Variants in PLCB1 observed in about 807,000 individuals in gnomAD.
The protein encoded by PLCB1 is 1-phosphatidylinositol 4,5-bisphosphate phosphodiesterase beta-1.
In PLCB1, 46 loss-of-function variants were observed where a neutral mutation model predicts 161.8. The observed-to-expected ratio is 0.28, with a 90% CI of 0.22 to 0.36. PLCB1 has a LOEUF of 0.36. PLCB1 is among the 10% of genes least tolerant of loss of function. PLCB1 has a pLI of 1.00. For synonymous variants in PLCB1, 517 were observed against 503.7 expected (o/e 1.03, Z -0.35); for missense variants, 1,016 against 1,472.5 (o/e 0.69, Z 5.07).
At chr20:8,252,984 A>G (rs1981230419) in intron 2 of PLCB1, among the ~76,000 whole-genome samples, 1 of 151,908 alleles carries the variant, frequency 6.6e-6, no homozygotes, top group Non-Finnish European at 1.5e-5. Flanking sequence ...AATTCTTAAT[A>G]ATGCCCATTC....
chr20:8,693,427 A>T (rs1990522963), intron 10 of PLCB1, among the ~76,000 whole-genome samples: 1 of 152,190 alleles, frequency 6.6e-6, no homozygotes, highest in Non-Finnish European at 1.5e-5. Context: ...AAACAGATGC[A>T]TCTAGAGAGG....
chr20:8,372,478 C>A (rs983334172), intron 3 of PLCB1, among the ~76,000 whole-genome samples: 3 of 151,032 alleles, frequency 2.0e-5, no homozygotes, highest in Admixed American at 2.0e-4. Flanking sequence ...ATTTTATTTG[C>A]TGAAAGGGTT....
intron 3 of PLCB1, among the ~76,000 whole-genome samples, chr20:8,448,473 C>T (rs1020027482): frequency 2.0e-5 from 3 of 152,188 alleles, no homozygotes; most frequent in South Asian, 4.1e-4. Flanking sequence ...GTTTAGAAGG[C>T]AGCGGAAGAA....
intron 3 of PLCB1, among the ~76,000 whole-genome samples, chr20:8,512,414 G>T (rs1469373349): frequency 1.3e-5 from 2 of 152,064 alleles, no homozygotes; most frequent in Non-Finnish European, 2.9e-5. Context: ...TACTTTCTGT[G>T]TATGAGGGAG....
chr20:8,333,885 GT>G (rs1985461432), intron 2 of PLCB1, among the ~76,000 whole-genome samples: 1 of 152,164 alleles, frequency 6.6e-6, no homozygotes, highest in African/African-American at 2.4e-5. Context: ...TTCGCATTCT[GT>G]GGTGGAATAA....
At chr20:8,501,299 T>C (rs897965030) in intron 3 of PLCB1, among the ~76,000 whole-genome samples, 13 of 152,252 alleles carry the variant, frequency 8.5e-5, no homozygotes, top group African/African-American at 3.1e-4. Context: ...CGCTGTCAGA[T>C]CAGGCTAGGA....
intron 3 of PLCB1, among the ~76,000 whole-genome samples, chr20:8,600,352 C>CCCGG (rs1555775335): frequency 3.0e-5 from 3 of 101,190 alleles, no homozygotes; most frequent in Admixed American, 8.8e-5. Flanking sequence ...AGTTGGAATA[C>CCCGG]CCTGCCGTGT....
intron 25 of PLCB1, 106 bp from the exon 26 acceptor site, chr20:8,765,033 T>G (rs923149327): frequency 8.3e-6 from 7 of 842,862 alleles, no homozygotes; most frequent in Non-Finnish European, 1.3e-5. Context: ...TCTTAAACTC[T>G]AGCTGGGCAA....
At chr20:8,760,025 C>A (rs1279741089) in intron 24 of PLCB1, among the ~76,000 whole-genome samples, 1 of 150,002 alleles carries the variant, frequency 6.7e-6, no homozygotes, top group South Asian at 2.1e-4. Flanking sequence ...TCTGCTTCAG[C>A]CAACCAGGTA....
At chr20:8,662,419 T>C (rs1386463061) in intron 9 of PLCB1, among the ~76,000 whole-genome samples, 1 of 125,416 alleles carries the variant, frequency 8.0e-6, no homozygotes, top group Non-Finnish European at 1.6e-5. Context: ...GTATAATATA[T>C]AATTATTTAT....
chr20:8,697,897 A>C, intron 11 of PLCB1, 114 bp downstream of exon 11: 1 of 901,850 alleles, frequency 1.1e-6, no homozygotes. Flanking sequence ...AAGGCTGTTA[A>C]TCATCTTTGC....
chr20:8,521,559 G>A (rs1437022505), intron 3 of PLCB1, among the ~76,000 whole-genome samples: 1 of 152,074 alleles, frequency 6.6e-6, no homozygotes, highest in Non-Finnish European at 1.5e-5. Flanking sequence ...GCAAAAATTA[G>A]CTGGGTGTGG....
intron 3 of PLCB1, among the ~76,000 whole-genome samples, chr20:8,563,915 A>T (rs1287770355): frequency 6.6e-6 from 1 of 152,194 alleles, no homozygotes; most frequent in East Asian, 1.9e-4. Context: ...AAATGGCCAT[A>T]CTGCCCAAAG....
rs534683664 is a variant in PLCB1 at position 8,216,439 on chromosome 20, A to T, written c.177+66068A>T. Among the ~76,000 whole-genome samples, 50 of 152,258 alleles carry T rather than the reference A, an allele frequency of 3.3e-4. 1 individual carries two copies. Among genetic ancestry groups the T allele is most frequent in the African/African-American group, 1.2e-3 (48 of 41,568 alleles). On this transcript the variant is annotated intron_variant, in intron 2 of 31. Transcript: ENST00000338037. ...TGCTGGAATTCTGTAATTCTCTTCC[A>T]CAAAGCTAAAGTAGAATGTGTTGTG...
intron 2 of PLCB1, among the ~76,000 whole-genome samples, chr20:8,161,023 C>T (rs2051616412): frequency 6.6e-6 from 1 of 152,100 alleles, no homozygotes; most frequent in Non-Finnish European, 1.5e-5. Flanking sequence ...TTACTTTGCA[C>T]ATACCTTTTT....
At chr20:8,787,534 T>C (rs1486005228) in intron 27 of PLCB1, among the ~76,000 whole-genome samples, 1 of 152,234 alleles carries the variant, frequency 6.6e-6, no homozygotes, top group Admixed American at 6.5e-5. Flanking sequence ...TTTCAGAGGA[T>C]GTCCACACTG....
rs150570886 is a variant in PLCB1, at chr20:8,210,533, A to G, written c.177+60162A>G. On this transcript the variant is annotated intron_variant, in intron 2 of 31. Transcript: ENST00000338037. ...GTCTTTTACTTTCTCAATTTGGGGC[A>G]AGGGATCAAAGGATCATTCTCTGTA... Among the ~76,000 whole-genome samples, 392 of 152,270 alleles carry G rather than the reference A, an allele frequency of 2.6e-3. 3 individuals are homozygous for G. Among genetic ancestry groups the G allele is most frequent in the African/African-American group, 9.1e-3 (378 of 41,570 alleles).
chr20:8,817,276 G>A (rs1985126430), intron 31 of PLCB1, among the ~76,000 whole-genome samples: 1 of 152,192 alleles, frequency 6.6e-6, no homozygotes, highest in South Asian at 2.1e-4. Flanking sequence ...GTGAAAGCAG[G>A]TACCAGAGAG....
intron 2 of PLCB1, among the ~76,000 whole-genome samples, chr20:8,369,867 A>G (rs1986848435): frequency 2.0e-5 from 3 of 152,164 alleles, no homozygotes; most frequent in Admixed American, 1.3e-4. Context: ...TTTGCATTCG[A>G]GGAGTGAGAC....
Sources: gnomAD v4.1 joint callset for allele counts (sites outside exome capture counted in the v4.1 genomes callset) on GRCh38, gnomAD v4.1.1 for gene constraint, MANE v1.5 for transcripts, NCBI Gene and HGNC (gene_info 2026-07-23, HGNC 2026-07-21) for gene names.